The following UAP1 variants were observed in gnomAD, a reference collection of about 807,000 sequenced individuals.
UAP1 encodes UDP-N-acetylglucosamine pyrophosphorylase 1.
Under a neutral mutation model 58.5 loss-of-function variants are expected in UAP1, and 25 were observed. The observed-to-expected ratio is 0.43, with a 90% CI of 0.31 to 0.60. The LOEUF is 0.60. Ranked by LOEUF, UAP1 falls within the 20% of genes least tolerant of loss-of-function variation. UAP1 has a pLI of 0.11. For synonymous variants in UAP1, 208 were observed against 213.0 expected (o/e 0.98, Z 0.21); for missense variants, 575 against 630.0 (o/e 0.91, Z 0.93).
chr1:162,585,116 C>G (rs537620714), intron 5 of UAP1, among the ~76,000 whole-genome samples: 44 of 152,058 alleles, frequency 2.9e-4, no homozygotes, highest in African/African-American at 9.6e-4. Context: ...CTCTTAACTC[C>G]TGACCTCAAG....
At chr1:162,583,418 G>C (rs1337559393) in intron 5 of UAP1, among the ~76,000 whole-genome samples, 1 of 151,938 alleles carries the variant, frequency 6.6e-6, no homozygotes, top group African/African-American at 2.4e-5. Context: ...CTCCCAAAGT[G>C]CTGGGATTAC....
chr1:162,574,318 C>G (rs921966501), intron 2 of UAP1, among the ~76,000 whole-genome samples: 9 of 152,086 alleles, frequency 5.9e-5, no homozygotes, highest in African/African-American at 2.2e-4. Flanking sequence ...GTCTTGAACT[C>G]CTGACCTCAG....
At chr1:162,584,216 A>T (rs1023520248) in intron 5 of UAP1, among the ~76,000 whole-genome samples, 2 of 152,294 alleles carry the variant, frequency 1.3e-5, no homozygotes, top group South Asian at 4.2e-4. Context: ...CTTCCTTGCA[A>T]AGACACTCAC....
chr1:162,564,911 T>C (rs1191897868), intron 1 of UAP1, among the ~76,000 whole-genome samples: 1 of 152,162 alleles, frequency 6.6e-6, no homozygotes, highest in Non-Finnish European at 1.5e-5. Flanking sequence ...GAATTTCCTG[T>C]TGCTGAGGCT....
chr1:162,581,372 C>A (rs144426173), exon 5 of UAP1: 1 of 1,613,974 alleles, frequency 6.2e-7, no homozygotes. Context: ...GCATTCATGT[C>A]TATTGTGTTG....
chr1:162,565,254 G>T (rs1206040207), intron 1 of UAP1, among the ~76,000 whole-genome samples: 1 of 152,086 alleles, frequency 6.6e-6, no homozygotes, highest in Non-Finnish European at 1.5e-5. Context: ...TCTGTATTGG[G>T]CAAGTAGATT....
chr1:162,590,909 T>C (rs901988637), intron 8 of UAP1, among the ~76,000 whole-genome samples: 13 of 151,496 alleles, frequency 8.6e-5, no homozygotes, highest in Admixed American at 2.0e-4. Flanking sequence ...CCCATATATC[T>C]GTGGCCTCAC....
chr1:162,599,645 T>C (rs1375207203), exon 11 of UAP1: 2 of 257,352 alleles, frequency 7.8e-6, no homozygotes, highest in East Asian at 7.5e-5. Context: ...AGCTGAAATA[T>C]AGGCAGGATG....
At chr1:162,598,931 G>T (rs1051423372) in intron 10 of UAP1, among the ~76,000 whole-genome samples, 1 of 152,150 alleles carries the variant, frequency 6.6e-6, no homozygotes, top group East Asian at 1.9e-4. Context: ...CACGAGAATT[G>T]CTTGAAACTG....
Position 162,566,114 on chromosome 1 carries a change from G to T in UAP1, c.46G>T (p.Glu16Ter), listed in dbSNP as rs761216241. 6.2e-7 allele frequency: 1 copy of T among 1,612,792 alleles called. No individual in the cohort carries two copies. Among genetic ancestry groups the T allele is most frequent in the Admixed American group, 1.7e-5 (1 of 59,998 alleles). The change falls in exon 2 of 11, where the codon GAG becomes TAG. Residue 16 changes from glutamate (E) to a stop codon, truncating the protein, a stop_gained. Coordinates refer to ENST00000271469, the Ensembl canonical transcript of UAP1. LOFTEE classifies it high-confidence loss of function. Reference sequence around the variant, plus strand: ...ACTCACGTTGTCCAAAGCTGGGCAAGAGCACCTACTACGTTTCTGGAATGA... The same window carrying T: ...ACTCACGTTGTCCAAAGCTGGGCAATAGCACCTACTACGTTTCTGGAATGA...
At chr1:162,576,894 A>C (rs1557969856) in exon 3 of UAP1, 1 of 1,614,162 alleles carries the variant, frequency 6.2e-7, no homozygotes, top group East Asian at 2.2e-5. Context: ...CCATCCCGTA[A>C]GACACTTTTT....
At chr1:162,569,662 A>C (rs1653731175) in intron 2 of UAP1, among the ~76,000 whole-genome samples, 1 of 152,212 alleles carries the variant, frequency 6.6e-6, no homozygotes, top group South Asian at 2.1e-4. Flanking sequence ...TTATATTACA[A>C]TATCTAATTA....
chr1:162,569,705 C>G (rs1653733258), intron 2 of UAP1, among the ~76,000 whole-genome samples: 1 of 152,146 alleles, frequency 6.6e-6, no homozygotes, highest in Non-Finnish European at 1.5e-5. Context: ...GCCTATGAGA[C>G]ATTTTCCTAT....
chr1:162,578,061 C>T (rs1036230034), intron 3 of UAP1, among the ~76,000 whole-genome samples: 2 of 152,072 alleles, frequency 1.3e-5, no homozygotes, highest in South Asian at 2.1e-4. Flanking sequence ...CAAGAGATTA[C>T]AGAAGATCCT....
At chr1:162,590,537 T>C in intron 8 of UAP1, 26 bp downstream of exon 8, 1 of 1,560,974 alleles carries the variant, frequency 6.4e-7, no homozygotes. Context: ...TTCTCTTTTG[T>C]ATGAATCCTT....
intron 1 of UAP1, among the ~76,000 whole-genome samples, chr1:162,563,905 A>T (rs1168132501): frequency 6.6e-6 from 1 of 152,220 alleles, no homozygotes; most frequent in Non-Finnish European, 1.5e-5. Flanking sequence ...ATTGCATAGA[A>T]TCAAATGATA....
intron 8 of UAP1, 79 bp from the exon 9 acceptor site, chr1:162,592,653 A>C: frequency 9.6e-7 from 1 of 1,043,128 alleles, no homozygotes; most frequent in Non-Finnish European, 1.5e-6. Context: ...CATTCAATCA[A>C]GTATATTTTG....
At chr1:162,594,166 C>CT (rs1174416230) in intron 9 of UAP1, among the ~76,000 whole-genome samples, 3 of 152,182 alleles carry the variant, frequency 2.0e-5, no homozygotes, top group Non-Finnish European at 4.4e-5. Flanking sequence ...AATTATACAA[C>CT]TCACTGTAAT....
At chr1:162,571,976 C>T (rs1205760076) in intron 2 of UAP1, among the ~76,000 whole-genome samples, 1 of 152,156 alleles carries the variant, frequency 6.6e-6, no homozygotes, top group Non-Finnish European at 1.5e-5. Flanking sequence ...TCACTGTTTG[C>T]TCATAAGTGA....
Sources: gnomAD v4.1 joint callset for allele counts (sites outside exome capture counted in the v4.1 genomes callset) on GRCh38, gnomAD v4.1.1 for gene constraint, MANE v1.5 for transcripts, NCBI Gene and HGNC (gene_info 2026-07-23, HGNC 2026-07-21) for gene names.